NEK6: variants seen among roughly 807,000 people sequenced by gnomAD.
NEK6 encodes the protein serine/threonine-protein kinase Nek6.
Under a neutral mutation model 43.5 loss-of-function variants are expected in NEK6, and 27 were observed. The ratio of observed to expected loss-of-function variants is 0.62; its 90% CI spans 0.46 to 0.86. NEK6 has a LOEUF of 0.86. Ranked by LOEUF, NEK6 falls within the 40% of genes least tolerant of loss-of-function variation. The pLI is 0.00. For synonymous variants in NEK6, 167 were observed against 164.1 expected, an observed-to-expected ratio of 1.02 and a Z score of -0.14; for missense variants, 318 against 414.4, an observed-to-expected ratio of 0.77 and a Z score of 2.02.
intron 5 of NEK6, among the ~76,000 whole-genome samples, chr9:124,323,530 T>C (rs1303477628): frequency 6.6e-6 from 1 of 152,000 alleles, no homozygotes; most frequent in African/African-American, 2.4e-5. Flanking sequence ...AGGAGAGGCC[T>C]CTCCCTGCTG....
At chr9:124,329,184 A>G (rs1379837775) in intron 7 of NEK6, among the ~76,000 whole-genome samples, 1 of 151,994 alleles carries the variant, frequency 6.6e-6, no homozygotes, top group Non-Finnish European at 1.5e-5. Flanking sequence ...TCAAACATTT[A>G]CTTCCCTTGT....
At position 124,314,005 on chromosome 9, in the gene NEK6, C is replaced by T. The variant is rs567918543; in HGVS notation, c.294+20C>T. On this transcript the variant is annotated intron_variant, in intron 4 of 9. Coordinates refer to ENST00000320246, the MANE Select transcript of NEK6 (RefSeq NM_014397.6). ...TTGAAGGTGAGCACCCTGGGCCGAG[C>T]GGGAGCTTTGCCTCCTCGGGGAGGT... 22 of 1,612,938 alleles carry T rather than the reference C, an allele frequency of 1.4e-5. No individual in the cohort carries two copies. In the Admixed American group the frequency reaches 2.0e-4, roughly 15 times the overall value.
chr9:124,349,800 G>A lies in NEK6; in HGVS notation c.832-1037G>A, dbSNP rs1254325261. On this transcript the variant is annotated intron_variant, in intron 9 of 9. Coordinates refer to ENST00000320246, the MANE Select transcript of NEK6 (RefSeq NM_014397.6). ...CAGAAAACAGCTGTCTTGTCCACAG[G>A]CGACTTCAGACTCCGGGAGTGGCCT... is the stretch of plus-strand genomic sequence containing the variant. Among the ~76,000 whole-genome samples, 6 of 152,128 alleles carry A rather than the reference G, an allele frequency of 3.9e-5. No homozygotes were observed. In the East Asian group the frequency reaches 1.2e-3, roughly 29 times the overall value.
intron 1 of NEK6, chr9:124,292,207 C>A: frequency 8.0e-7 from 1 of 1,247,686 alleles, no homozygotes; most frequent in Non-Finnish European, 1.0e-6. Context: ...GGGACCTTGA[C>A]CTGGCTGCAC....
intron 5 of NEK6, among the ~76,000 whole-genome samples, chr9:124,322,908 T>A (rs1426639946): frequency 6.6e-6 from 1 of 152,230 alleles, no homozygotes; most frequent in East Asian, 1.9e-4. Context: ...CTCTTACATT[T>A]CCGTTGACAT....
intron 1 of NEK6, among the ~76,000 whole-genome samples, chr9:124,285,725 C>T (rs1301732375): frequency 1.3e-5 from 2 of 152,130 alleles, no homozygotes; most frequent in Non-Finnish European, 2.9e-5. Flanking sequence ...CAGGGCCGGC[C>T]GCAGGCAGGA....
intron 8 of NEK6, 103 bp from the exon 9 acceptor site, chr9:124,347,606 C>G: frequency 1.5e-6 from 1 of 684,352 alleles, no homozygotes; most frequent in African/African-American, 1.8e-5. Context: ...CGGTCGGGAC[C>G]AGAGAGAACC....
intron 1 of NEK6, among the ~76,000 whole-genome samples, chr9:124,278,452 T>G (rs115209512): frequency 6.6e-6 from 1 of 152,108 alleles, no homozygotes; most frequent in Non-Finnish European, 1.5e-5. Flanking sequence ...CCGGGTGTCG[T>G]TTTCCGTGGA....
intron 7 of NEK6, among the ~76,000 whole-genome samples, chr9:124,336,676 T>C (rs529949708): frequency 4.6e-5 from 7 of 152,190 alleles, no homozygotes; most frequent in Admixed American, 4.6e-4. Context: ...ACATGGTGTC[T>C]CCAGGCCAGT....
intron 1 of NEK6, among the ~76,000 whole-genome samples, chr9:124,290,610 G>T (rs889812657): frequency 6.6e-6 from 1 of 152,246 alleles, no homozygotes; most frequent in African/African-American, 2.4e-5. Flanking sequence ...AGCAGGTGCT[G>T]GCCACGGAGA....
At chr9:124,339,428 G>C in intron 7 of NEK6, 143 bp from the exon 8 acceptor site, 1 of 693,346 alleles carries the variant, frequency 1.4e-6, no homozygotes, top group South Asian at 1.6e-5. Context: ...GGAAGGCCCA[G>C]GCCCAGAGAG....
intron 7 of NEK6, among the ~76,000 whole-genome samples, chr9:124,335,975 C>T (rs1276544879): frequency 6.6e-6 from 1 of 152,026 alleles, no homozygotes; most frequent in Non-Finnish European, 1.5e-5. Flanking sequence ...CGTGGTGGCT[C>T]ATGCCTGTAA....
chr9:124,302,639 G>T (rs981542850), intron 2 of NEK6, among the ~76,000 whole-genome samples: 1 of 152,224 alleles, frequency 6.6e-6, no homozygotes, highest in Non-Finnish European at 1.5e-5. Context: ...GAACTGCCTT[G>T]TGTACCCCAT....
At chr9:124,278,235 G>A (rs1396719761) in intron 1 of NEK6, among the ~76,000 whole-genome samples, 1 of 152,186 alleles carries the variant, frequency 6.6e-6, no homozygotes, top group Non-Finnish European at 1.5e-5. Context: ...GACCGTCTGG[G>A]TTTGTGTAAG....
intron 7 of NEK6, among the ~76,000 whole-genome samples, chr9:124,329,775 A>T (rs1038172657): frequency 1.3e-5 from 2 of 152,278 alleles, no homozygotes; most frequent in Admixed American, 6.5e-5. Context: ...GACCCAGGGG[A>T]AAGACCCCTT....
chr9:124,328,150 G>A (rs1422021462), intron 7 of NEK6, among the ~76,000 whole-genome samples: 1 of 152,154 alleles, frequency 6.6e-6, no homozygotes, highest in African/African-American at 2.4e-5. Flanking sequence ...TTGGGGACAG[G>A]TGAAGCAATG....
At chr9:124,345,763 G>A (rs1484719792) in intron 8 of NEK6, among the ~76,000 whole-genome samples, 1 of 152,186 alleles carries the variant, frequency 6.6e-6, no homozygotes, top group African/African-American at 2.4e-5. Context: ...GCAACTCGGG[G>A]GCACCCAGAT....
Position 124,339,544 on chromosome 9 carries a change from G to A in NEK6, c.623-27G>A, listed in dbSNP as rs200547051. 3.2e-6 allele frequency: 5 copies of A among 1,568,664 alleles called. No homozygotes were observed. The Admixed American group carries it at 5.0e-5, about 16-fold the overall frequency. On this transcript the variant is annotated intron_variant, in intron 7 of 9. Coordinates refer to ENST00000320246, the MANE Select transcript of NEK6 (RefSeq NM_014397.6). ...TGCCCCTGCCCTACATGGAGCATAA[G>A]CAGCCCCGCCCCTTGCTGTGTTGCA...
chr9:124,286,572 G>C (rs954692253), intron 1 of NEK6: 2 of 152,308 alleles, frequency 1.3e-5, no homozygotes, highest in Non-Finnish European at 2.9e-5. Context: ...GCGTGCTTCT[G>C]CCCACCTCCT....
Sources: allele counts gnomAD v4.1 joint callset (sites outside exome capture counted in the v4.1 genomes callset), GRCh38; gene constraint gnomAD v4.1.1; transcripts MANE v1.5; gene names NCBI Gene and HGNC (gene_info 2026-07-23, HGNC 2026-07-21).